Variants in SORT1 observed in about 807,000 individuals in gnomAD.
SORT1 encodes sortilin.
A neutral mutation model predicts 101.7 loss-of-function variants in SORT1; 39 were observed. The ratio of observed to expected loss-of-function variants is 0.38; its 90% CI spans 0.30 to 0.50. The LOEUF is 0.50. Among genes scored for constraint, SORT1 ranks in the 20% least tolerant of loss-of-function variants. SORT1 has a pLI of 0.90. For missense variants in SORT1, 878 were observed against 1,040.4 expected (o/e 0.84, Z 2.15); for synonymous variants, 396 against 393.7 (o/e 1.01, Z -0.07).
At position 109,371,481 on chromosome 1, in the gene SORT1, T is replaced by C. The variant is rs144642071; in HGVS notation, c.307-1892A>G. ...ATCTTTCCAAGGAAGGTCCTTGTCA[T>C]AACTAAGAGAAAAGAAAAAGTCCAT... On this transcript the variant is annotated intron_variant, in intron 1 of 19. Coordinates refer to ENST00000256637, the MANE Select transcript of SORT1 (RefSeq NM_002959.7). 6.6e-5 allele frequency among the ~76,000 whole-genome samples: 10 copies of C among 152,274 alleles called. No individual in the cohort carries two copies. In the East Asian group the frequency reaches 1.9e-3, roughly 29 times the overall value.
chr1:109,340,544 A>AAACTG (rs2101579423), intron 10 of SORT1, among the ~76,000 whole-genome samples, 180 bp downstream of exon 10: 1 of 152,262 alleles, frequency 6.6e-6, no homozygotes, highest in East Asian at 1.9e-4. Context: ...ACAATGTTAA[A>AAACTG]AACTGCAAAT....
At chr1:109,389,751 A>G (rs1652791147) in intron 1 of SORT1, 1 of 152,242 alleles carries the variant, frequency 6.6e-6, no homozygotes, top group Non-Finnish European at 1.5e-5. Context: ...TAGCACTTCA[A>G]GTATAAAGGA....
chr1:109,325,801 C>A (rs1647967310), intron 13 of SORT1, among the ~76,000 whole-genome samples: 1 of 151,828 alleles, frequency 6.6e-6, no homozygotes, highest in South Asian at 2.1e-4. Context: ...ACAACAAAAC[C>A]CCGTCTCTAC....
At position 109,326,428 on chromosome 1, in the gene SORT1, A is replaced by AATATATAT. The variant is rs1166570516; in HGVS notation, c.1643+556_1643+563dup. On this transcript the variant is annotated intron_variant, in intron 13 of 19. Coordinates refer to ENST00000256637, the MANE Select transcript of SORT1 (RefSeq NM_002959.7). Reference sequence around the variant, plus strand: ...CCATAATAATTTTGTAGACAGAAAGAATATATATATATATATATATATATA... The same window carrying AATATATAT: ...CCATAATAATTTTGTAGACAGAAAGAATATATATATATATATATATATATATATATATA... Among the ~76,000 whole-genome samples the AATATATAT allele has an allele frequency of 3.2e-3, 229 of 70,838 alleles. 1 individual carries two copies. The highest frequency in any genetic ancestry group is 8.7e-3 in the African/African-American group (148 of 17,014). The allele number at this position is 70,838 out of a possible 152,430, so 46.5% of individuals were successfully genotyped here. A position where few individuals can be genotyped will look rare whatever the true frequency, so the allele number is the denominator to read the frequency against.
intron 10 of SORT1, among the ~76,000 whole-genome samples, chr1:109,339,779 T>A (rs937252685): frequency 6.6e-6 from 1 of 152,226 alleles, no homozygotes; most frequent in South Asian, 2.1e-4. Context: ...CAGTTACATG[T>A]ATAACAATGT....
At chr1:109,352,932 C>A (rs1650058249) in intron 5 of SORT1, among the ~76,000 whole-genome samples, 1 of 152,174 alleles carries the variant, frequency 6.6e-6, no homozygotes, top group Admixed American at 6.5e-5. Flanking sequence ...ATAGTGCTTT[C>A]AGCTTAAGCG....
intron 16 of SORT1, 46 bp downstream of exon 16, chr1:109,317,804 GAAC>G: frequency 8.1e-7 from 1 of 1,232,852 alleles, no homozygotes; most frequent in South Asian, 1.2e-5. Flanking sequence ...CTTTCACTCT[GAAC>G]AAGAACACCT....
At chr1:109,322,725 A>C (rs1212278541) in intron 15 of SORT1, among the ~76,000 whole-genome samples, 1 of 152,042 alleles carries the variant, frequency 6.6e-6, no homozygotes, top group Non-Finnish European at 1.5e-5. Context: ...TTTTTTGTAG[A>C]GATAGGGTTT....
chr1:109,320,298 A>G (rs1647536653), intron 15 of SORT1, among the ~76,000 whole-genome samples: 1 of 152,250 alleles, frequency 6.6e-6, no homozygotes, highest in South Asian at 2.1e-4. Flanking sequence ...ACCTCAAAGA[A>G]ATAAGATGTT....
rs774957862 is a variant in SORT1, at chr1:109,347,537, A to G, written c.783-5T>C. ...AAGATGGTGTTGTCTGATCCCCTAC[A>G]ATGAGGCAAAAACAGGGAAAAGAAA... On this transcript the variant is annotated splice_region_variant and splice_polypyrimidine_tract_variant and intron_variant, in intron 6 of 19. Coordinates refer to ENST00000256637, the MANE Select transcript of SORT1 (RefSeq NM_002959.7). 4 of 1,604,300 alleles carry G rather than the reference A, an allele frequency of 2.5e-6. No homozygotes were observed. The highest frequency in any genetic ancestry group is 3.4e-6 in the Non-Finnish European group (4 of 1,171,122).
intron 1 of SORT1, among the ~76,000 whole-genome samples, chr1:109,374,937 G>A (rs1651727754): frequency 6.6e-6 from 1 of 152,202 alleles, no homozygotes; most frequent in African/African-American, 2.4e-5. Context: ...CCACCTGAGT[G>A]ACAGAGTGAG....
intron 9 of SORT1, 24 bp downstream of exon 9, chr1:109,341,990 G>A: frequency 6.2e-7 from 1 of 1,604,508 alleles, no homozygotes; most frequent in Non-Finnish European, 8.5e-7. Flanking sequence ...TGCTTTTAAG[G>A]GTAAGCCACT....
rs969131016 is a variant in SORT1 at position 109,337,187 on chromosome 1, T to C, written c.1265-841A>G. On this transcript the variant is annotated intron_variant, in intron 10 of 19. Transcript: ENST00000256637. ...TTCCCCATTCTTATTTTCAATGATA[T>C]AAACTGTTGCAGGTTTTAAATTCAG... Among the ~76,000 whole-genome samples, 5 of 152,368 alleles carry C rather than the reference T, an allele frequency of 3.3e-5. No individual in the cohort carries two copies. In the South Asian group the frequency reaches 6.2e-4, roughly 19 times the overall value.
At chr1:109,343,478 C>T (rs1332512040) in intron 8 of SORT1, among the ~76,000 whole-genome samples, 1 of 152,134 alleles carries the variant, frequency 6.6e-6, no homozygotes, top group Non-Finnish European at 1.5e-5. Flanking sequence ...GTGGGTGCTT[C>T]AGGGCTTGCT....
intron 2 of SORT1, 117 bp downstream of exon 2, chr1:109,369,413 C>T: frequency 1.4e-6 from 1 of 698,586 alleles, no homozygotes; most frequent in Middle Eastern, 2.4e-4. Context: ...CATGTGTTTT[C>T]TGTGATTGAG....
chr1:109,365,414 A>G (rs183314239), intron 3 of SORT1, among the ~76,000 whole-genome samples: 144 of 152,262 alleles, frequency 9.5e-4, no homozygotes, highest in Non-Finnish European at 1.7e-3. Flanking sequence ...AATTTATAAT[A>G]GCAAACATTC....
At position 109,313,921 on chromosome 1, in the gene SORT1, A is replaced by C; in HGVS notation, c.*122T>G. 2 of 925,464 alleles carry C rather than the reference A, an allele frequency of 2.2e-6. No individual in the cohort carries two copies. Among genetic ancestry groups the C allele is most frequent in the Admixed American group, 2.4e-5 (1 of 41,414 alleles). 57.3% of individuals were successfully genotyped at this position (925,464 alleles called of 1,614,324 possible). ...TGTAGGTCCTTTTGGCTTTGATGGA[A>C]GCAGCAGAAACAGAGCTGGGTCCCT... On this transcript the variant is annotated 3_prime_UTR_variant, in exon 20 of 20. Coordinates refer to ENST00000256637, the MANE Select transcript of SORT1 (RefSeq NM_002959.7).
chr1:109,369,121 G>T (rs1651299813), intron 2 of SORT1, among the ~76,000 whole-genome samples: 1 of 152,166 alleles, frequency 6.6e-6, no homozygotes, highest in South Asian at 2.1e-4. Flanking sequence ...AGGCGTTCAA[G>T]ACCAGCCTGG....
rs1284243997 is a variant in SORT1, at chr1:109,340,750, A to G, written c.1238T>C (p.Val413Ala). The G allele has an allele frequency of 6.2e-7, 1 of 1,614,078 alleles. No individual in the cohort carries two copies. Among genetic ancestry groups the G allele is most frequent in the Non-Finnish European group, 8.5e-7 (1 of 1,180,006 alleles). Residue 413 changes from valine to alanine, a missense_variant, in exon 10 of 20, where the codon GTC (valine) becomes GCC (alanine). Coordinates refer to ENST00000256637, the MANE Select transcript of SORT1 (RefSeq NM_002959.7). Reference protein sequence around the residue: ...DFTNVTSLRGVYITSVLSEDN... With the variant: ...DFTNVTSLRGAYITSVLSEDN... Reference sequence around the variant, plus strand: ...TTCGGAGAGCACGCTTGTTATGTAGACGCCGCGGAGGGAGGTCACGTTGGT... The same window carrying G: ...TTCGGAGAGCACGCTTGTTATGTAGGCGCCGCGGAGGGAGGTCACGTTGGT...
Sources: gnomAD v4.1 joint callset for allele counts (sites outside exome capture counted in the v4.1 genomes callset) on GRCh38, gnomAD v4.1.1 for gene constraint, MANE v1.5 for transcripts, NCBI Gene and HGNC (gene_info 2026-07-23, HGNC 2026-07-21) for gene names.